ADAMTSL3: variants seen among roughly 807,000 people sequenced by gnomAD.
ADAMTSL3 encodes the protein ADAMTS like 3.
In ADAMTSL3, 128 loss-of-function variants were observed where a neutral mutation model predicts 201.7. The observed-to-expected ratio is 0.63, with a 90% CI of 0.55 to 0.73. ADAMTSL3 has a LOEUF of 0.73. Among genes scored for constraint, ADAMTSL3 ranks in the 30% least tolerant of loss-of-function variants. The probability of loss-of-function intolerance (pLI) is 0.00; values close to 1 mark genes in which losing one functional copy is unlikely to be tolerated. For missense variants in ADAMTSL3, 1,990 were observed against 2,119.6 expected (o/e 0.94, Z 1.20); for synonymous variants, 738 against 748.4 (o/e 0.99, Z 0.23).
chr15:83,875,611 C>T (rs1245972103), intron 9 of ADAMTSL3, among the ~76,000 whole-genome samples: 1 of 152,016 alleles, frequency 6.6e-6, no homozygotes, highest in Non-Finnish European at 1.5e-5. Context: ...GGTGAAACCC[C>T]ATCTCTACTA....
chr15:83,842,103 A>G (rs904070225), intron 7 of ADAMTSL3, among the ~76,000 whole-genome samples: 7 of 150,584 alleles, frequency 4.6e-5, no homozygotes, highest in South Asian at 4.2e-4. Context: ...CTACCATTCA[A>G]TAAAACCTTG....
intron 23 of ADAMTSL3, among the ~76,000 whole-genome samples, chr15:84,011,554 G>A (rs940206818): frequency 3.3e-5 from 5 of 152,120 alleles, no homozygotes; most frequent in Non-Finnish European, 7.4e-5. Context: ...TCAGTCTAAC[G>A]TACCTGCTAT....
chr15:83,974,949 A>G (rs2067256871), intron 20 of ADAMTSL3, among the ~76,000 whole-genome samples: 2 of 145,688 alleles, frequency 1.4e-5, no homozygotes, highest in Non-Finnish European at 1.5e-5. Flanking sequence ...ATCTACTCTC[A>G]TCTCTCCCGC....
chr15:83,900,875 C>G (rs1193482305), intron 15 of ADAMTSL3, among the ~76,000 whole-genome samples: 1 of 152,162 alleles, frequency 6.6e-6, no homozygotes, highest in Non-Finnish European at 1.5e-5. Context: ...AGAGCTTTGT[C>G]TTTCCCAAGT....
chr15:83,797,533 G>A (rs1323378819), intron 4 of ADAMTSL3, among the ~76,000 whole-genome samples: 13 of 152,080 alleles, frequency 8.5e-5, no homozygotes, highest in Non-Finnish European at 1.3e-4. Flanking sequence ...CCCAGGAGGC[G>A]GAGGTTGCAG....
At chr15:83,978,690 C>T (rs1207506280) in intron 20 of ADAMTSL3, among the ~76,000 whole-genome samples, 2 of 152,212 alleles carry the variant, frequency 1.3e-5, no homozygotes, top group Non-Finnish European at 1.5e-5. Context: ...CCTGGCAGAG[C>T]CCATGAATTC....
At chr15:83,769,827 G>T (rs2062950623) in intron 3 of ADAMTSL3, among the ~76,000 whole-genome samples, 1 of 150,816 alleles carries the variant, frequency 6.6e-6, no homozygotes, top group South Asian at 2.1e-4. Context: ...CTTGCCTAAG[G>T]GCTTAAGGAA....
chr15:83,997,561 C>T (rs998150691), intron 23 of ADAMTSL3, among the ~76,000 whole-genome samples: 22 of 152,120 alleles, frequency 1.4e-4, no homozygotes, highest in Non-Finnish European at 1.5e-4. Context: ...TGCTCTCCAG[C>T]CCGGGCAACA....
intron 15 of ADAMTSL3, among the ~76,000 whole-genome samples, chr15:83,900,204 C>T (rs1429304098): frequency 6.6e-6 from 1 of 152,210 alleles, no homozygotes; most frequent in African/African-American, 2.4e-5. Flanking sequence ...CTGCTAACTA[C>T]ATGACCTAAG....
At chr15:83,976,450 A>G (rs1209737554) in intron 20 of ADAMTSL3, among the ~76,000 whole-genome samples, 1 of 152,120 alleles carries the variant, frequency 6.6e-6, no homozygotes, top group Non-Finnish European at 1.5e-5. Flanking sequence ...ATTCTAGCAC[A>G]TTAAATGTAT....
intron 3 of ADAMTSL3, among the ~76,000 whole-genome samples, chr15:83,727,241 GTC>G (rs1024302719): frequency 2.6e-5 from 4 of 151,290 alleles, no homozygotes; most frequent in Non-Finnish European, 5.9e-5. Flanking sequence ...CTCTTATAAT[GTC>G]TCCTTTTTCA....
At chr15:83,965,349 C>CAA (rs143907808) in intron 19 of ADAMTSL3, among the ~76,000 whole-genome samples, 12,997 of 98,198 alleles carry the variant, frequency 0.13, 1,062 homozygotes, top group Non-Finnish European at 0.18. Context: ...AAATGGAAAG[C>CAA]AAAAAAAAAA....
At chr15:83,759,755 C>G (rs544204657) in intron 3 of ADAMTSL3, among the ~76,000 whole-genome samples, 1 of 152,224 alleles carries the variant, frequency 6.6e-6, no homozygotes, top group East Asian at 1.9e-4. Context: ...GGGTAAATTA[C>G]TCAGAAGAGT....
chr15:83,758,392 C>G (rs1238042920), intron 3 of ADAMTSL3, among the ~76,000 whole-genome samples: 2 of 152,184 alleles, frequency 1.3e-5, no homozygotes, highest in Non-Finnish European at 2.9e-5. Context: ...GACTTATTCA[C>G]TGTCATGAGA....
At chr15:83,674,736 C>CATATATAT (rs1231624515) in intron 2 of ADAMTSL3, among the ~76,000 whole-genome samples, 5 of 130,476 alleles carry the variant, frequency 3.8e-5, no homozygotes, top group Middle Eastern at 4.3e-3. Flanking sequence ...CATATATACA[C>CATATATAT]ACATATATAC....
At chr15:83,882,001 A>C (rs1458927890) in intron 9 of ADAMTSL3, among the ~76,000 whole-genome samples, 2 of 151,690 alleles carry the variant, frequency 1.3e-5, no homozygotes, top group African/African-American at 4.8e-5. Context: ...AAAAAAATAC[A>C]AAAAATTAGC....
At chr15:83,838,458 A>G (rs2064318857) in intron 7 of ADAMTSL3, among the ~76,000 whole-genome samples, 1 of 152,304 alleles carries the variant, frequency 6.6e-6, no homozygotes, top group East Asian at 1.9e-4. Context: ...TTAAAAAAAT[A>G]TATTTGCCAA....
rs74603281 is a variant in ADAMTSL3, at chr15:83,735,626, AT to A, written c.189+31125del. On this transcript the variant is annotated intron_variant, in intron 3 of 29. Transcript: ENST00000286744. ...GATTTTTAATACACTAAAGCATACA[AT>A]TTTTTTGCTTGTGTTGGTAATCTCA... 3.6e-4 allele frequency among the ~76,000 whole-genome samples: 54 copies of A among 150,832 alleles called. 1 individual carries two copies. In the East Asian group the frequency reaches 8.2e-3, roughly 23 times the overall value.
intron 4 of ADAMTSL3, among the ~76,000 whole-genome samples, chr15:83,794,725 T>C (rs1230051283): frequency 3.3e-5 from 5 of 152,196 alleles, no homozygotes; most frequent in African/African-American, 1.2e-4. Context: ...AGAAATGTTC[T>C]GTACATTACC....
Sources: allele counts gnomAD v4.1 joint callset (sites outside exome capture counted in the v4.1 genomes callset), GRCh38; gene constraint gnomAD v4.1.1; transcripts MANE v1.5; gene names NCBI Gene and HGNC (gene_info 2026-07-23, HGNC 2026-07-21).